ADAMTSL1: variants seen among roughly 807,000 people sequenced by gnomAD.
ADAMTSL1 encodes ADAMTS like 1.
ADAMTSL1 carries 126 observed loss-of-function variants against 201.8 expected under a neutral mutation model. The ratio of observed to expected loss-of-function variants is 0.62; its 90% CI spans 0.54 to 0.72. The LOEUF (loss-of-function observed/expected upper bound fraction) is 0.72, where lower values mean the gene tolerates loss of function less well. Among genes scored for constraint, ADAMTSL1 ranks in the 30% least tolerant of loss-of-function variants. ADAMTSL1 has a pLI of 0.00. For missense variants in ADAMTSL1, 2,679 were observed against 2,277.8 expected (o/e 1.18, Z -3.59); for synonymous variants, 1,121 against 903.4 (o/e 1.24, Z -4.32).
chr9:18,204,659 A>C (rs560414094), intron 2 of ADAMTSL1, among the ~76,000 whole-genome samples: 43 of 152,150 alleles, frequency 2.8e-4, no homozygotes, highest in Non-Finnish European at 2.2e-4. Flanking sequence ...AAGTTCCTTC[A>C]ATCATCTGAA....
At chr9:17,938,996 G>A (rs1827124855) in intron 1 of ADAMTSL1, among the ~76,000 whole-genome samples, 1 of 152,012 alleles carries the variant, frequency 6.6e-6, no homozygotes, top group Non-Finnish European at 1.5e-5. Context: ...CCCTCCTTAT[G>A]TTTATGGCCT....
In ADAMTSL1 at chr9:18,056,098, G is replaced by C. The variant is rs182117316; in HGVS notation, c.88-107764G>C. Among the ~76,000 whole-genome samples, 56 of 151,858 alleles carry C rather than the reference G, an allele frequency of 3.7e-4. No homozygotes were observed. The East Asian group carries it at 0.011, about 29-fold the overall frequency. On this transcript the variant is annotated intron_variant, in intron 1 of 29. Transcript: ENST00000680146. ...TCCCTTTATTCTATAAGGGGAAAGA[G>C]GCCTTAGGAACTGTTAGATTTTTAG...
upstream of ADAMTSL1, among the ~76,000 whole-genome samples, chr9:18,470,470 G>A (rs1821162623): frequency 1.3e-5 from 2 of 152,088 alleles, no homozygotes; most frequent in South Asian, 4.1e-4. Context: ...GCATCCCTGT[G>A]GGGAAAACAA....
At chr9:17,950,171 TG>T (rs561500560) in intron 1 of ADAMTSL1, among the ~76,000 whole-genome samples, 1 of 152,092 alleles carries the variant, frequency 6.6e-6, no homozygotes, top group Non-Finnish European at 1.5e-5. Flanking sequence ...CCTCCTAAAG[TG>T]TAGGGATTAC....
chr9:18,363,476 A>C (rs12338293), intron 2 of ADAMTSL1, among the ~76,000 whole-genome samples: 57,554 of 152,116 alleles, frequency 0.38, 11,045 homozygotes, highest in Admixed American at 0.49. Flanking sequence ...TGCCTCTTCT[A>C]AGCTGTGTGA....
intron 3 of ADAMTSL1, among the ~76,000 whole-genome samples, chr9:18,543,231 G>A (rs1288728887): frequency 6.6e-6 from 1 of 152,158 alleles, no homozygotes; most frequent in Admixed American, 6.5e-5. Context: ...AGGACATTGT[G>A]GTTTGTGTGT....
intron 2 of ADAMTSL1, among the ~76,000 whole-genome samples, chr9:18,514,452 C>A (rs1272554180): frequency 1.3e-5 from 2 of 151,402 alleles, no homozygotes; most frequent in African/African-American, 4.9e-5. Context: ...GCCTCAGCCT[C>A]CCGAGTAGCT....
At chr9:18,148,525 C>A (rs374774001) in intron 1 of ADAMTSL1, among the ~76,000 whole-genome samples, 1 of 151,984 alleles carries the variant, frequency 6.6e-6, no homozygotes, top group East Asian at 1.9e-4. Flanking sequence ...TCCATGAATT[C>A]TAGAAAGGAC....
chr9:18,470,637 A>G (rs1821170335), upstream of ADAMTSL1, among the ~76,000 whole-genome samples: 1 of 152,164 alleles, frequency 6.6e-6, no homozygotes, highest in Non-Finnish European at 1.5e-5. Flanking sequence ...GCTCAACCTG[A>G]AGAAAGAGAC....
chr9:17,933,309 C>T (rs1159196224), intron 1 of ADAMTSL1, among the ~76,000 whole-genome samples: 1 of 152,078 alleles, frequency 6.6e-6, no homozygotes, highest in Non-Finnish European at 1.5e-5. Flanking sequence ...TGGGTCAAAT[C>T]GGTCTCTGCA....
Position 18,689,711 on chromosome 9 carries a change from G to A in ADAMTSL1, c.1574+4911G>A, listed in dbSNP as rs368132771. Among the ~76,000 whole-genome samples the A allele has an allele frequency of 1.6e-4, 25 of 152,274 alleles. No individual in the cohort carries two copies. The East Asian group carries it at 3.5e-3, about 21-fold the overall frequency. The stretch of plus-strand genomic sequence containing the variant: ...TGGCTCAGAAGAAGCAATGGGATAT[G>A]CCAGTTGCTTTGGACACAGTGTGGC... On this transcript the variant is annotated intron_variant, in intron 13 of 28. Coordinates refer to ENST00000380548, the MANE Select transcript of ADAMTSL1 (RefSeq NM_001040272.6).
chr9:18,156,530 T>G (rs1205125810), intron 1 of ADAMTSL1, among the ~76,000 whole-genome samples: 1 of 152,016 alleles, frequency 6.6e-6, no homozygotes, highest in Non-Finnish European at 1.5e-5. Flanking sequence ...TTCTTCCTAT[T>G]TTTCACCCTA....
At chr9:18,073,607 G>A (rs1342988291) in intron 1 of ADAMTSL1, among the ~76,000 whole-genome samples, 1 of 152,082 alleles carries the variant, frequency 6.6e-6, no homozygotes, top group Non-Finnish European at 1.5e-5. Flanking sequence ...AGTCTTTCTT[G>A]GGTGAAAATA....
intron 23 of ADAMTSL1, among the ~76,000 whole-genome samples, chr9:18,884,664 C>A (rs1214863869): frequency 6.6e-6 from 1 of 152,128 alleles, no homozygotes; most frequent in Non-Finnish European, 1.5e-5. Context: ...TGTCCTTTCC[C>A]CATTGAATGG....
chr9:17,997,331 C>T (rs888860364), intron 1 of ADAMTSL1, among the ~76,000 whole-genome samples: 2 of 151,848 alleles, frequency 1.3e-5, no homozygotes, highest in African/African-American at 4.8e-5. Flanking sequence ...TTTTACAGTG[C>T]CCAGTTATCT....
chr9:18,725,972 T>C (rs1263152667), intron 15 of ADAMTSL1, among the ~76,000 whole-genome samples: 2 of 152,194 alleles, frequency 1.3e-5, no homozygotes, highest in East Asian at 1.9e-4. Flanking sequence ...AACCAGCACA[T>C]TGATTTAGAC....
rs1450891568 is a variant in ADAMTSL1, at chr9:18,905,823, C to T, written c.4893C>T (p.His1631=). ...PCIGPHLAVQ[H]RQVFCQTRDG... is the part of the protein sequence containing the mutation. Reference sequence around the variant, plus strand: ...TCGGGCCTCACCTAGCTGTGCAACACAGACAAGTCTTCTGCCAGACACGGG... The same window carrying T: ...TCGGGCCTCACCTAGCTGTGCAACATAGACAAGTCTTCTGCCAGACACGGG... Residue 1631 remains histidine, a synonymous_variant, in exon 27 of 29, where the codon CAC becomes CAT. Coordinates refer to ENST00000380548, the MANE Select transcript of ADAMTSL1 (RefSeq NM_001040272.6). 2 of 1,613,732 alleles carry T rather than the reference C, an allele frequency of 1.2e-6. No homozygotes were observed. Among genetic ancestry groups the T allele is most frequent in the East Asian group, 4.5e-5 (2 of 44,870 alleles).
chr9:18,621,817 A>C (rs570219436), intron 4 of ADAMTSL1, among the ~76,000 whole-genome samples: 12 of 152,236 alleles, frequency 7.9e-5, no homozygotes, highest in African/African-American at 2.6e-4. Context: ...GAACATGGAG[A>C]TCATTTATAA....
At chr9:18,409,400 A>G (rs867946623) in intron 2 of ADAMTSL1, among the ~76,000 whole-genome samples, 30 of 150,754 alleles carry the variant, frequency 2.0e-4, no homozygotes, top group South Asian at 4.2e-4. Flanking sequence ...AAAAAAAAAA[A>G]AAAAGAAAAA....
Sources: allele counts gnomAD v4.1 joint callset (sites outside exome capture counted in the v4.1 genomes callset), GRCh38; gene constraint gnomAD v4.1.1; transcripts MANE v1.5; gene names NCBI Gene and HGNC (gene_info 2026-07-23, HGNC 2026-07-21).